Variants in PTBP3 observed in about 807,000 individuals in gnomAD.
The protein encoded by PTBP3 is polypyrimidine tract-binding protein 3.
Under a neutral mutation model 58.7 loss-of-function variants are expected in PTBP3, and 20 were observed. That is an observed-to-expected ratio of 0.34 (90% CI 0.24 to 0.50). PTBP3 has a LOEUF of 0.50. Ranked by LOEUF, PTBP3 falls within the 20% of genes least tolerant of loss-of-function variation. The probability of loss-of-function intolerance (pLI) is 0.98; values close to 1 mark genes in which losing one functional copy is unlikely to be tolerated. For missense variants in PTBP3, 509 were observed against 637.2 expected (o/e 0.80, Z 2.17); for synonymous variants, 185 against 219.8 (o/e 0.84, Z 1.40).
chr9:112,368,986 C>G, the PTBP3 span, among the ~76,000 whole-genome samples: 104,910 of 152,106 alleles, frequency 0.69, 36,733 homozygotes, highest in Middle Eastern at 0.79. Context: ...GGGTCCAATC[C>G]CCAAGCCTTG....
chr9:112,309,617 C>G (rs1829390185), intron 1 of PTBP3, among the ~76,000 whole-genome samples: 1 of 151,932 alleles, frequency 6.6e-6, no homozygotes, highest in Non-Finnish European at 1.5e-5. Flanking sequence ...GAAACCCCGT[C>G]TCTATTAAAA....
Position 112,234,732 on chromosome 9 carries a change from A to C in PTBP3, c.880+88T>G. On this transcript the variant is annotated intron_variant, in intron 8 of 13. Coordinates refer to ENST00000374257, the MANE Select transcript of PTBP3 (RefSeq NM_001163788.4). ...ATAATGCTTTATGGTAAATTCTTCA[A>C]ATATGATAACATTCTTCATCTTGGT... 3.1e-6 allele frequency: 4 copies of C among 1,278,568 alleles called. No homozygotes were observed. The South Asian group carries it at 5.1e-5, about 16-fold the overall frequency. 79.2% of individuals were successfully genotyped at this position (1,278,568 alleles called of 1,614,324 possible). A position where few individuals can be genotyped will look rare whatever the true frequency, so the allele number is the denominator to read the frequency against.
chr9:112,294,276 G>A (rs1828571134), intron 2 of PTBP3, among the ~76,000 whole-genome samples: 1 of 152,182 alleles, frequency 6.6e-6, no homozygotes, highest in South Asian at 2.1e-4. Context: ...ACTTTAGGAG[G>A]CCAAGGAAGG....
At chr9:112,235,380 C>T (rs1449428310) in intron 7 of PTBP3, among the ~76,000 whole-genome samples, 1 of 152,154 alleles carries the variant, frequency 6.6e-6, no homozygotes, top group Admixed American at 6.6e-5. Context: ...ACAGAGGATT[C>T]ACTGTGACTG....
chr9:112,280,757 CTGTGTGTGTATG>C lies in PTBP3; in HGVS notation c.35-4756_35-4745del, dbSNP rs1164725285. 1.3e-4 allele frequency among the ~76,000 whole-genome samples: 9 copies of C among 69,748 alleles called. No individual in the cohort carries two copies. In the East Asian group the frequency reaches 2.4e-3, roughly 19 times the overall value. The allele number at this position is 69,748 out of a possible 152,430, so 45.8% of individuals were successfully genotyped here. ...TTCCTCACTCTTCATACGTGTGTGT[CTGTGTGTGTATG>C]TGTGTGTGTGTGTGTGCATATATAT... is the stretch of plus-strand genomic sequence containing the variant. On this transcript the variant is annotated intron_variant, in intron 2 of 13. Transcript: ENST00000374257.
At chr9:112,248,918 AC>A (rs1202838483) in intron 7 of PTBP3, among the ~76,000 whole-genome samples, 1 of 152,216 alleles carries the variant, frequency 6.6e-6, no homozygotes, top group Non-Finnish European at 1.5e-5. Context: ...GATACTACAG[AC>A]TTGACCGTAC....
chr9:112,312,366 G>A (rs1006110684), intron 1 of PTBP3, among the ~76,000 whole-genome samples: 2 of 151,918 alleles, frequency 1.3e-5, no homozygotes, highest in East Asian at 3.9e-4. Context: ...GCGTGGTGGT[G>A]CATGCCTGTG....
chr9:112,347,031 A>G, the PTBP3 span, among the ~76,000 whole-genome samples: 1 of 152,200 alleles, frequency 6.6e-6, no homozygotes, highest in Non-Finnish European at 1.5e-5. Context: ...TCCTAGATGT[A>G]TATAACCTAG....
At chr9:112,230,302 G>C (rs965430942) in intron 10 of PTBP3, among the ~76,000 whole-genome samples, 1 of 151,982 alleles carries the variant, frequency 6.6e-6, no homozygotes, top group Non-Finnish European at 1.5e-5. Context: ...CTCCAGCCTG[G>C]GAAACAGTGA....
Position 112,228,425 on chromosome 9 carries a change from C to T in PTBP3, c.1102G>A (p.Glu368Lys). The T allele has an allele frequency of 1.2e-6, 2 of 1,608,452 alleles. No homozygotes were observed. Among genetic ancestry groups the T allele is most frequent in the Non-Finnish European group, 1.7e-6 (2 of 1,178,406 alleles). The change falls in exon 11 of 14, where the codon GAA (glutamate) becomes AAA (lysine). Residue 368 changes from glutamate to lysine, a missense_variant. Physicochemically the swap from Glu to Lys is moderately conservative, Grantham distance 56. This residue lies in a region of PTBP3 where 135 missense variants were observed against 229.0 expected (regional missense o/e 0.59). Coordinates refer to ENST00000374257, the MANE Select transcript of PTBP3 (RefSeq NM_001163788.4). The stretch of plus-strand genomic sequence containing the variant: ...TCCGCCATCTGAACCAAGGCATTTT[C>T]TTTCTTATTAAACATAATCTTCACT... ...HRVKIMFNKK[E>K]NALVQMADAN...
Position 112,298,634 on chromosome 9 carries a change from G to A in PTBP3, c.-51-718C>T, listed in dbSNP as rs548374874. 1.3e-5 allele frequency: 6 copies of A among 445,202 alleles called. No individual in the cohort carries two copies. The East Asian group carries it at 3.7e-4, about 28-fold the overall frequency. The allele number at this position is 445,202 out of a possible 1,614,324, so 27.6% of individuals were successfully genotyped here. ...TAAATAGTACTATTGGTTTACCTTG[G>A]CCAATTTTTAAGAACAAGTGTTTTG... On this transcript the variant is annotated intron_variant, in intron 1 of 13. Transcript: ENST00000374257.
chr9:112,267,761 T>C (rs1450356297), intron 4 of PTBP3, among the ~76,000 whole-genome samples: 1 of 152,222 alleles, frequency 6.6e-6, no homozygotes, highest in Non-Finnish European at 1.5e-5. Flanking sequence ...TTGAAATGAA[T>C]GATTAAGTTC....
intron 4 of PTBP3, among the ~76,000 whole-genome samples, chr9:112,265,461 T>A (rs369392996): frequency 2.5e-4 from 38 of 149,602 alleles, no homozygotes; most frequent in Middle Eastern, 3.2e-3. Context: ...GAGCAGAGGT[T>A]GCAGTGAGCC....
At position 112,330,917 on chromosome 9, in the gene PTBP3, C is replaced by A. The variant is rs993817964; in HGVS notation, c.-52+2553G>T. 4.6e-5 allele frequency among the ~76,000 whole-genome samples: 7 copies of A among 152,130 alleles called. No individual in the cohort carries two copies. In the South Asian group the frequency reaches 8.3e-4, roughly 18 times the overall value. ...AAGGCATCTTGCAAATCTGCATTTACCACCCAAAATTGCTCACCAAAATAT... is the reference window on the plus strand; with the variant it reads ...AAGGCATCTTGCAAATCTGCATTTAACACCCAAAATTGCTCACCAAAATAT... On this transcript the variant is annotated intron_variant, in intron 1 of 13. Coordinates refer to ENST00000374257, the MANE Select transcript of PTBP3 (RefSeq NM_001163788.4).
chr9:112,257,711 G>C (rs1299215182), intron 5 of PTBP3, among the ~76,000 whole-genome samples: 4 of 152,086 alleles, frequency 2.6e-5, no homozygotes, highest in African/African-American at 7.2e-5. Flanking sequence ...AGGCCAAGGT[G>C]GGCAGATCAC....
chr9:112,333,570 GC>G lies in PTBP3; in HGVS notation c.-153del. On this transcript the variant is annotated 5_prime_UTR_variant, in exon 1 of 14. Coordinates refer to ENST00000374257, the MANE Select transcript of PTBP3 (RefSeq NM_001163788.4). ...GGCAGCAGGGCGGTTCCGGGGACAA[GC>G]GAGCTTTGGCTCTGCGGAGCCCCGG... 2 of 1,461,408 alleles carry G rather than the reference GC, an allele frequency of 1.4e-6. No homozygotes were observed. The highest frequency in any genetic ancestry group is 9.4e-7 in the Non-Finnish European group (1 of 1,063,706). 90.5% of individuals were successfully genotyped at this position (1,461,408 alleles called of 1,614,324 possible).
At chr9:112,360,465 C>T in the PTBP3 span, among the ~76,000 whole-genome samples, 5 of 152,254 alleles carry the variant, frequency 3.3e-5, no homozygotes, top group Admixed American at 3.3e-4. Flanking sequence ...CGATTACAGG[C>T]ATGAGGTACA....
At chr9:112,378,883 G>A in the PTBP3 span, among the ~76,000 whole-genome samples, 1 of 152,122 alleles carries the variant, frequency 6.6e-6, no homozygotes, top group East Asian at 1.9e-4. Flanking sequence ...AGTCATTTAG[G>A]GCCCATAACA....
intron 2 of PTBP3, among the ~76,000 whole-genome samples, chr9:112,277,544 T>C (rs1282478326): frequency 6.6e-6 from 1 of 151,926 alleles, no homozygotes; most frequent in Non-Finnish European, 1.5e-5. Flanking sequence ...GGATCCAGTA[T>C]CATATCAACG....
Sources: allele counts gnomAD v4.1 joint callset (sites outside exome capture counted in the v4.1 genomes callset), GRCh38; gene constraint gnomAD v4.1.1; regional missense constraint gnomAD v4.1.1; transcripts MANE v1.5; gene names NCBI Gene and HGNC (gene_info 2026-07-23, HGNC 2026-07-21).